Variants in LRP2 observed in about 807,000 individuals in gnomAD.
The protein encoded by LRP2 is LDL receptor related protein 2, also known as low-density lipoprotein receptor-related protein 2.
A neutral mutation model predicts 531.0 loss-of-function variants in LRP2; 172 were observed. That is an observed-to-expected ratio of 0.32 (90% CI 0.29 to 0.37). The LOEUF (loss-of-function observed/expected upper bound fraction) is 0.37, where lower values mean the gene tolerates loss of function less well. Ranked by LOEUF, LRP2 falls within the 10% of genes least tolerant of loss-of-function variation. The pLI, the probability that LRP2 is intolerant of heterozygous loss-of-function variation, is 1.00. For synonymous variants in LRP2, 1,992 were observed against 2,027.6 expected (o/e 0.98, Z 0.47); for missense variants, 5,167 against 5,868.3 (o/e 0.88, Z 3.90).
intron 59 of LRP2, 72 bp downstream of exon 59, chr2:169,170,479 T>C: frequency 1.7e-6 from 2 of 1,181,194 alleles, no homozygotes; most frequent in East Asian, 2.3e-5. Flanking sequence ...AAAAGCCTTA[T>C]AAACACTAAT....
intron 16 of LRP2, among the ~76,000 whole-genome samples, chr2:169,261,010 G>A (rs1323202980): frequency 2.0e-5 from 3 of 152,046 alleles, no homozygotes; most frequent in Non-Finnish European, 2.9e-5. Context: ...GGGATTAGAG[G>A]TGACCAGGAT....
At chr2:169,212,486 T>C (rs1688628882) in intron 36 of LRP2, among the ~76,000 whole-genome samples, 1 of 152,206 alleles carries the variant, frequency 6.6e-6, no homozygotes, top group South Asian at 2.1e-4. Flanking sequence ...GAGGTCAGTA[T>C]ATAAATCTGC....
chr2:169,305,200 C>T (rs1053775869), intron 4 of LRP2, among the ~76,000 whole-genome samples: 1 of 152,136 alleles, frequency 6.6e-6, no homozygotes, highest in African/African-American at 2.4e-5. Context: ...AGAAAAATAA[C>T]ATGCAAGGGA....
rs1443204311 is a variant in LRP2, at chr2:169,206,998, A to G, written c.6722T>C (p.Val2241Ala). Residue 2241 changes from valine to alanine, a missense_variant, in exon 39 of 79, where the codon GTG (valine) becomes GCG (alanine). By Grantham distance (64) the Val-to-Ala change is moderately conservative. Coordinates refer to ENST00000649046, the MANE Select transcript of LRP2 (RefSeq NM_004525.3). ...ATAAACGTAGCCATCACTTCGGTCC[A>G]CTGCCAAGCCCCGTGGTGTGACAAT... ...EGIVTPRGLA[V>A]DRSDGYVYWV... The G allele has an allele frequency of 2.5e-6, 4 of 1,614,106 alleles. No individual in the cohort carries two copies. In the African/African-American group the frequency reaches 5.3e-5, roughly 22 times the overall value.
At chr2:169,313,767 A>C (rs1185850828) in intron 3 of LRP2, among the ~76,000 whole-genome samples, 1 of 152,090 alleles carries the variant, frequency 6.6e-6, no homozygotes, top group African/African-American at 2.4e-5. Flanking sequence ...CCCGTCTTCT[A>C]TGTTGCTCAC....
At chr2:169,337,770 A>G (rs1006255913) in intron 1 of LRP2, among the ~76,000 whole-genome samples, 2 of 152,196 alleles carry the variant, frequency 1.3e-5, no homozygotes, top group Admixed American at 1.3e-4. Flanking sequence ...ATCTACATAT[A>G]TGCACACAAG....
intron 1 of LRP2, among the ~76,000 whole-genome samples, chr2:169,329,176 T>C (rs1685199487): frequency 6.6e-6 from 1 of 152,190 alleles, no homozygotes; most frequent in African/African-American, 2.4e-5. Flanking sequence ...ATTATAAGAC[T>C]ACACTGGGTC....
chr2:169,178,216 A>G (rs1199439520), intron 52 of LRP2, among the ~76,000 whole-genome samples, 190 bp from the exon 53 acceptor site: 1 of 152,242 alleles, frequency 6.6e-6, no homozygotes, highest in Non-Finnish European at 1.5e-5. Flanking sequence ...ATTGAACAAA[A>G]GATGTAGAAG....
rs1180231352 is a variant in LRP2 at position 169,260,520 on chromosome 2, C to T, written c.2321-1303G>A. 2.6e-5 allele frequency among the ~76,000 whole-genome samples: 4 copies of T among 152,156 alleles called. No individual in the cohort carries two copies. The South Asian group carries it at 8.3e-4, about 32-fold the overall frequency. On this transcript the variant is annotated intron_variant, in intron 16 of 78. Coordinates refer to ENST00000649046, the MANE Select transcript of LRP2 (RefSeq NM_004525.3). ...TGTGAGAAGTTGGATGAAGCATCCA[C>T]TTAGACATGTTGGTTTAGAGGTGAT... is the stretch of plus-strand genomic sequence containing the variant.
chr2:169,311,048 T>G (rs146116621), intron 3 of LRP2, among the ~76,000 whole-genome samples: 9,057 of 152,274 alleles, frequency 0.059, 379 homozygotes, highest in Non-Finnish European at 0.088. Context: ...GGTGGTGATA[T>G]CCCCTTTATC....
intron 25 of LRP2, 93 bp downstream of exon 25, chr2:169,240,895 C>G: frequency 6.6e-7 from 1 of 1,507,978 alleles, no homozygotes; most frequent in South Asian, 1.1e-5. Context: ...ATCCTTCCTA[C>G]AAAGCTACAC....
intron 72 of LRP2, 68 bp downstream of exon 72, chr2:169,140,387 A>G: frequency 8.2e-7 from 1 of 1,222,676 alleles, no homozygotes; most frequent in Non-Finnish European, 1.2e-6. Flanking sequence ...TTTCCTGGCT[A>G]CTTTAAGGTC....
intron 7 of LRP2, 149 bp from the exon 8 acceptor site, chr2:169,291,146 T>A: frequency 2.9e-6 from 2 of 695,910 alleles, no homozygotes; most frequent in South Asian, 3.9e-5. Context: ...GATTTCTAAC[T>A]CTACCACTAG....
At chr2:169,224,023 G>C (rs1476686025) in intron 33 of LRP2, among the ~76,000 whole-genome samples, 1 of 152,156 alleles carries the variant, frequency 6.6e-6, no homozygotes, top group African/African-American at 2.4e-5. Context: ...ATCCATGGGG[G>C]ATACATTCCA....
chr2:169,264,906 C>T (rs922937697), intron 16 of LRP2, among the ~76,000 whole-genome samples: 4 of 151,960 alleles, frequency 2.6e-5, no homozygotes, highest in African/African-American at 9.7e-5. Context: ...GCTATGGGTT[C>T]AAGGCACAGT....
At chr2:169,164,701 C>G (rs910496409) in intron 62 of LRP2, among the ~76,000 whole-genome samples, 1 of 152,106 alleles carries the variant, frequency 6.6e-6, no homozygotes, top group South Asian at 2.1e-4. Flanking sequence ...AAGAAATGAA[C>G]CTTTGCCATT....
intron 10 of LRP2, among the ~76,000 whole-genome samples, chr2:169,281,067 T>A (rs1277864671): frequency 6.6e-6 from 1 of 152,136 alleles, no homozygotes; most frequent in East Asian, 1.9e-4. Context: ...TAAAAATTGA[T>A]CAGTAGAGGA....
In LRP2 at chr2:169,301,660, C is replaced by CT. The variant is rs1485328437; in HGVS notation, c.427+5620dup. Among the ~76,000 whole-genome samples, 3 of 152,154 alleles carry CT rather than the reference C, an allele frequency of 2.0e-5. No homozygotes were observed. In the East Asian group the frequency reaches 5.8e-4, roughly 29 times the overall value. ...ATACCACATTTATCTCAAAAATAAT[C>CT]TTTTTGTTGAGACCCTAATATCCTC... On this transcript the variant is annotated intron_variant, in intron 4 of 78. Coordinates refer to ENST00000649046, the MANE Select transcript of LRP2 (RefSeq NM_004525.3).
In LRP2 at chr2:169,246,931, G is replaced by A. The variant is rs780127474; in HGVS notation, c.2964C>T (p.Cys988=). Residue 988 remains cysteine, a synonymous_variant, in exon 21 of 79, where the codon TGC becomes TGT. Transcript: ENST00000649046. ...THPNGDCSHF[C]FPVPNFQRVC... ...CTCGCTGGAAATTTGGCACCGGGAA[G>A]CAGAAGTGGCTGCAGTCACCGTTAG... 1 of 1,614,216 alleles carries A rather than the reference G, an allele frequency of 6.2e-7. No homozygotes were observed. Among genetic ancestry groups the A allele is most frequent in the Non-Finnish European group, 8.5e-7 (1 of 1,180,048 alleles).
Sources: allele counts gnomAD v4.1 joint callset (sites outside exome capture counted in the v4.1 genomes callset), GRCh38; gene constraint gnomAD v4.1.1; transcripts MANE v1.5; gene names NCBI Gene and HGNC (gene_info 2026-07-23, HGNC 2026-07-21).